Variants in SLC25A13 observed in about 807,000 individuals in gnomAD.
SLC25A13 encodes the protein electrogenic aspartate/glutamate antiporter SLC25A13, mitochondrial.
Under a neutral mutation model 85.5 loss-of-function variants are expected in SLC25A13, and 70 were observed. The observed-to-expected ratio is 0.82, with a 90% CI of 0.68 to 1.00. The LOEUF is 1.00. Among genes scored for constraint, SLC25A13 ranks in the 50% least tolerant of loss-of-function variants. The probability of loss-of-function intolerance (pLI) is 0.00; values close to 1 mark genes in which losing one functional copy is unlikely to be tolerated. For missense variants in SLC25A13, 765 were observed against 819.8 expected (o/e 0.93, Z 0.82); for synonymous variants, 259 against 288.7 (o/e 0.90, Z 1.04).
At chr7:96,211,602 G>A (rs528073236) in intron 4 of SLC25A13, among the ~76,000 whole-genome samples, 12 of 152,184 alleles carry the variant, frequency 7.9e-5, no homozygotes, top group South Asian at 4.1e-4. Flanking sequence ...CCCATTCTTC[G>A]CATCTGATTC....
chr7:96,168,098 GAAAAAAAAAA>G lies in SLC25A13; in HGVS notation c.1311+1937_1311+1946del, dbSNP rs543491037. ...CTGGTGACAGAGCGAAACTCTGTCT[GAAAAAAAAAA>G]AAAAAAAAAAAAAAAAAAAAAGCAC... On this transcript the variant is annotated intron_variant, in intron 13 of 17. Transcript: ENST00000265631. 2.2e-3 allele frequency among the ~76,000 whole-genome samples: 44 copies of G among 19,714 alleles called. No individual in the cohort carries two copies. The East Asian group carries it at 0.05, about 22-fold the overall frequency. 12.9% of individuals were successfully genotyped at this position (19,714 alleles called of 152,430 possible).
intron 5 of SLC25A13, among the ~76,000 whole-genome samples, chr7:96,196,948 A>T (rs1795086368): frequency 6.6e-6 from 1 of 152,236 alleles, no homozygotes; most frequent in African/African-American, 2.4e-5. Flanking sequence ...ACTGCTGTAA[A>T]GCATTTTACA....
At chr7:96,155,590 A>AT (rs893517683) in intron 13 of SLC25A13, among the ~76,000 whole-genome samples, 1 of 152,138 alleles carries the variant, frequency 6.6e-6, no homozygotes, top group Non-Finnish European at 1.5e-5. Context: ...GAAGGATGTG[A>AT]TTTTCCAGCT....
intron 1 of SLC25A13, among the ~76,000 whole-genome samples, chr7:96,316,260 A>G (rs1800122982): frequency 6.6e-6 from 1 of 152,266 alleles, no homozygotes; most frequent in Non-Finnish European, 1.5e-5. Flanking sequence ...TAAATTGTAT[A>G]GTACTTGAAT....
intron 14 of SLC25A13, among the ~76,000 whole-genome samples, chr7:96,133,096 T>C (rs970561807): frequency 1.3e-5 from 2 of 152,220 alleles, no homozygotes; most frequent in African/African-American, 2.4e-5. Context: ...TCCTATTAAG[T>C]TGCATCCTAG....
intron 1 of SLC25A13, among the ~76,000 whole-genome samples, chr7:96,311,082 A>ACATAATATG (rs1187203579): frequency 2.0e-5 from 3 of 152,222 alleles, no homozygotes; most frequent in Admixed American, 1.3e-4. Context: ...ATACATACAT[A>ACATAATATG]CATAATATGC....
chr7:96,149,370 C>T (rs1051034896), intron 13 of SLC25A13, among the ~76,000 whole-genome samples: 2 of 152,148 alleles, frequency 1.3e-5, no homozygotes, highest in African/African-American at 4.8e-5. Flanking sequence ...TATCTCTTAT[C>T]TTTACTAACA....
intron 4 of SLC25A13, among the ~76,000 whole-genome samples, chr7:96,222,690 C>T (rs909809684): frequency 6.6e-5 from 10 of 152,064 alleles, no homozygotes; most frequent in East Asian, 5.8e-4. Context: ...GTGATCCGCC[C>T]GCCTCAGCCT....
chr7:96,149,355 C>T (rs934018669), intron 13 of SLC25A13, among the ~76,000 whole-genome samples: 1 of 152,174 alleles, frequency 6.6e-6, no homozygotes, highest in Admixed American at 6.5e-5. Flanking sequence ...ACGGAATTGT[C>T]TTATTATCTC....
At chr7:96,301,208 T>G (rs1288021312) in intron 1 of SLC25A13, among the ~76,000 whole-genome samples, 1 of 152,222 alleles carries the variant, frequency 6.6e-6, no homozygotes, top group Non-Finnish European at 1.5e-5. Context: ...ACTTAGTTCA[T>G]TCTTGGGCTT....
At chr7:96,219,521 C>T (rs1167545950) in intron 4 of SLC25A13, 1 of 336,534 alleles carries the variant, frequency 3.0e-6, no homozygotes, top group Non-Finnish European at 6.0e-6. Flanking sequence ...AACTAGTCAC[C>T]TTTTCCCCTC....
intron 5 of SLC25A13, among the ~76,000 whole-genome samples, chr7:96,201,417 C>T (rs1019014415): frequency 6.7e-6 from 1 of 150,070 alleles, no homozygotes; most frequent in Non-Finnish European, 1.5e-5. Flanking sequence ...GAGGCTGAGG[C>T]AGGAGAATCA....
intron 4 of SLC25A13, among the ~76,000 whole-genome samples, chr7:96,211,986 C>G (rs1234202696): frequency 6.6e-6 from 1 of 152,196 alleles, no homozygotes; most frequent in Non-Finnish European, 1.5e-5. Context: ...GTTAGATTCA[C>G]TCCTAATTTT....
chr7:96,121,462 A>G, intron 17 of SLC25A13, 85 bp from the exon 18 acceptor site: 1 of 1,522,150 alleles, frequency 6.6e-7, no homozygotes, highest in Non-Finnish European at 9.1e-7. Flanking sequence ...CTGTTCAAAT[A>G]TTTAATGTAA....
chr7:96,320,148 G>T (rs1245321112), intron 1 of SLC25A13, among the ~76,000 whole-genome samples: 1 of 152,102 alleles, frequency 6.6e-6, no homozygotes, highest in Non-Finnish European at 1.5e-5. Flanking sequence ...GGGATTACAG[G>T]TGCCCACCAG....
At chr7:96,252,795 T>C (rs988878847) in intron 3 of SLC25A13, among the ~76,000 whole-genome samples, 1 of 151,984 alleles carries the variant, frequency 6.6e-6, no homozygotes, top group African/African-American at 2.4e-5. Context: ...GAGAGTGGAT[T>C]CAAGAATGAA....
chr7:96,300,334 G>A (rs1188990694), intron 1 of SLC25A13, among the ~76,000 whole-genome samples: 3 of 152,072 alleles, frequency 2.0e-5, no homozygotes, highest in Non-Finnish European at 4.4e-5. Context: ...ATGTGACTTG[G>A]AGGCCCTGAC....
chr7:96,306,734 T>G, intron 1 of SLC25A13: 1 of 1,055,270 alleles, frequency 9.5e-7, no homozygotes, highest in South Asian at 1.4e-5. Flanking sequence ...TCTTCTCTTT[T>G]GTGCCCTTCA....
intron 15 of SLC25A13, among the ~76,000 whole-genome samples, chr7:96,125,066 T>C (rs1295549102): frequency 6.6e-6 from 1 of 152,138 alleles, no homozygotes; most frequent in African/African-American, 2.4e-5. Context: ...TGCTGTTTCA[T>C]ATATCCTACA....
Sources: gnomAD v4.1 joint callset for allele counts (sites outside exome capture counted in the v4.1 genomes callset) on GRCh38, gnomAD v4.1.1 for gene constraint, MANE v1.5 for transcripts, NCBI Gene and HGNC (gene_info 2026-07-23, HGNC 2026-07-21) for gene names.